Variants in PLCH1 observed in about 807,000 individuals in gnomAD.
PLCH1 encodes the protein phospholipase C eta 1.
PLCH1 carries 60 observed loss-of-function variants against 126.7 expected under a neutral mutation model. The observed-to-expected ratio is 0.47, with a 90% CI of 0.38 to 0.59. The LOEUF (loss-of-function observed/expected upper bound fraction) is 0.59. PLCH1 is among the 20% of genes least tolerant of loss of function. The pLI, the probability that PLCH1 is intolerant of heterozygous loss-of-function variation, is 0.00. For synonymous variants in PLCH1, 719 were observed against 734.9 expected (o/e 0.98, Z 0.35); for missense variants, 1,723 against 2,040.0 (o/e 0.84, Z 2.99).
intron 21 of PLCH1, among the ~76,000 whole-genome samples, chr3:155,473,805 G>T (rs1271724182): frequency 2.0e-5 from 3 of 150,610 alleles, no homozygotes; most frequent in East Asian, 3.9e-4. Context: ...TGACAAACCT[G>T]AGAAAAACAA....
At chr3:155,483,205 T>C (rs1023408726) in intron 22 of PLCH1, 154 bp from the exon 23 acceptor site, 12 of 907,034 alleles carry the variant, frequency 1.3e-5, no homozygotes, top group Admixed American at 2.5e-5. Flanking sequence ...CAACAAAGTG[T>C]CTGTGTGATG....
rs772410855 is a variant in PLCH1 at position 155,482,200 on chromosome 3, T to C, written c.3826A>G (p.Lys1276Glu). Residue 1276 changes from lysine to glutamate, a missense_variant, in exon 23 of 23, where the codon AAA becomes GAA. By Grantham distance (56) the Lys-to-Glu change is moderately conservative (BLOSUM62 1). This residue lies in a region of PLCH1 where 947 missense variants were observed against 977.1 expected (regional missense o/e 0.97). Coordinates refer to ENST00000460012, the MANE Select transcript of PLCH1 (RefSeq NM_014996.4). Reference protein sequence around the residue: ...VYETTCTPISKTKPDDDLSSK... With the variant: ...VYETTCTPISETKPDDDLSSK... ...GAAAGGTCATCATCTGGTTTGGTTT[T>C]AGAGATGGGAGTGCAGGTAGTTTCA... The C allele has an allele frequency of 3.7e-6, 6 of 1,614,174 alleles. No homozygotes were observed. The East Asian group carries it at 1.3e-4, about 36-fold the overall frequency.
chr3:155,469,552 C>T (rs927680251), intron 21 of PLCH1, among the ~76,000 whole-genome samples: 2 of 152,244 alleles, frequency 1.3e-5, no homozygotes, highest in Admixed American at 1.3e-4. Flanking sequence ...AGCCAGGAAG[C>T]TCAAACTGGG....
chr3:155,723,536 G>T (rs1748106272), intron 1 of PLCH1, among the ~76,000 whole-genome samples: 1 of 151,740 alleles, frequency 6.6e-6, no homozygotes, highest in Non-Finnish European at 1.5e-5. Context: ...GTCTATTTGT[G>T]CTCTTTCAGA....
At chr3:155,701,399 A>G (rs570673302) in intron 2 of PLCH1, among the ~76,000 whole-genome samples, 1 of 152,314 alleles carries the variant, frequency 6.6e-6, no homozygotes, top group African/African-American at 2.4e-5. Flanking sequence ...TCATTTTAAC[A>G]TAGCTCTTTT....
intron 2 of PLCH1, among the ~76,000 whole-genome samples, chr3:155,621,409 G>A (rs1736476421): frequency 6.6e-6 from 1 of 152,186 alleles, no homozygotes; most frequent in African/African-American, 2.4e-5. Flanking sequence ...TGGAGAATGA[G>A]TTTGACGAAT....
chr3:155,492,118 C>A (rs747464341), intron 18 of PLCH1, among the ~76,000 whole-genome samples: 12 of 151,916 alleles, frequency 7.9e-5, no homozygotes, highest in Admixed American at 3.3e-4. Context: ...GCGGGAGTGA[C>A]AAAGAACCTG....
At chr3:155,558,397 C>G (rs865841891) in intron 8 of PLCH1, among the ~76,000 whole-genome samples, 3 of 152,186 alleles carry the variant, frequency 2.0e-5, no homozygotes, top group Admixed American at 6.5e-5. Flanking sequence ...AGGTATACAG[C>G]AGTACCCCTT....
At chr3:155,543,199 C>T (rs920730092) in intron 10 of PLCH1, among the ~76,000 whole-genome samples, 16 of 151,996 alleles carry the variant, frequency 1.1e-4, no homozygotes, top group African/African-American at 2.7e-4. Context: ...TTAAAGGAGC[C>T]GATGGAGCTG....
intron 2 of PLCH1, among the ~76,000 whole-genome samples, chr3:155,697,990 T>G (rs944417891): frequency 1.3e-5 from 2 of 152,128 alleles, no homozygotes; most frequent in Non-Finnish European, 2.9e-5. Context: ...GGAAGGAGTA[T>G]AGCAGAGACA....
intron 14 of PLCH1, among the ~76,000 whole-genome samples, chr3:155,497,667 A>C (rs560993209): frequency 1.3e-5 from 2 of 152,246 alleles, no homozygotes; most frequent in Admixed American, 6.5e-5. Flanking sequence ...ATAGTTAACC[A>C]TGGTCTAAAA....
At chr3:155,453,364 A>G (rs1367213893) in intron 21 of PLCH1, among the ~76,000 whole-genome samples, 8 of 152,184 alleles carry the variant, frequency 5.3e-5, no homozygotes, top group Admixed American at 5.2e-4. Context: ...GTATAGTGCT[A>G]ACTTCCTGAT....
intron 2 of PLCH1, among the ~76,000 whole-genome samples, chr3:155,674,873 G>A (rs1743939989): frequency 6.6e-6 from 1 of 152,298 alleles, no homozygotes; most frequent in East Asian, 1.9e-4. Context: ...TCCATAATGT[G>A]TAAAGCAAGA....
chr3:155,485,459 T>C lies in PLCH1; in HGVS notation c.2871A>G (p.Gln957=), dbSNP rs369669952. The C allele has an allele frequency of 6.2e-7, 1 of 1,614,174 alleles. No homozygotes were observed. Among genetic ancestry groups the C allele is most frequent in the South Asian group, 1.1e-5 (1 of 91,084 alleles). Residue 957 remains glutamine (Q), a synonymous_variant, in exon 22 of 23, where the codon CAA becomes CAG. Transcript: ENST00000460012. Reference sequence around the variant, plus strand: ...CAACAGGCATAGAGACAGGGCGTGCTTGCAAACTGCGTGTGGTCCTCCTCA... The same window carrying C: ...CAACAGGCATAGAGACAGGGCGTGCCTGCAAACTGCGTGTGGTCCTCCTCA... ...GVLRRTTRSL[Q]ARPVSMPVDR...
intron 6 of PLCH1, among the ~76,000 whole-genome samples, chr3:155,569,477 G>C (rs1728933914): frequency 6.6e-6 from 1 of 152,052 alleles, no homozygotes; most frequent in African/African-American, 2.4e-5. Context: ...AACTAGCATG[G>C]TGGCTGATGC....
chr3:155,483,800 T>C (rs1714565922), intron 22 of PLCH1, among the ~76,000 whole-genome samples: 1 of 152,152 alleles, frequency 6.6e-6, no homozygotes, highest in African/African-American at 2.4e-5. Context: ...CAATTCACAG[T>C]AATTTGGGAT....
intron 1 of PLCH1, among the ~76,000 whole-genome samples, chr3:155,739,003 C>T (rs188988181): frequency 9.9e-5 from 15 of 152,220 alleles, no homozygotes; most frequent in Non-Finnish European, 1.8e-4. Flanking sequence ...ACTCAGCCAC[C>T]AATTGGCTGT....
intron 2 of PLCH1, among the ~76,000 whole-genome samples, chr3:155,610,238 A>G (rs1346700097): frequency 6.6e-6 from 1 of 151,852 alleles, no homozygotes; most frequent in Non-Finnish European, 1.5e-5. Flanking sequence ...GCACATGCCT[A>G]TAATCCCAGC....
rs1003290675 is a variant in PLCH1, at chr3:155,470,190, A to C, written c.2938+15166T>G. On this transcript the variant is annotated intron_variant, in intron 21 of 21. Coordinates refer to the PLCH1 transcript ENST00000494598. ...TTGAAAACTTTGAAAAAAATTTAGA[A>C]GAATGTATAACTAGAATAACCAATA... Among the ~76,000 whole-genome samples, 163 of 151,480 alleles carry C rather than the reference A, an allele frequency of 1.1e-3. 1 individual carries two copies. The highest frequency in any genetic ancestry group is 3.8e-3 in the African/African-American group (156 of 41,526).
Sources: allele counts gnomAD v4.1 joint callset (sites outside exome capture counted in the v4.1 genomes callset), GRCh38; gene constraint gnomAD v4.1.1; regional missense constraint gnomAD v4.1.1; transcripts MANE v1.5; gene names NCBI Gene and HGNC (gene_info 2026-07-23, HGNC 2026-07-21).